CDK13: variants seen among roughly 807,000 people sequenced by gnomAD.
CDK13 encodes the protein cyclin-dependent kinase 13.
A neutral mutation model predicts 137.6 loss-of-function variants in CDK13; 40 were observed. The ratio of observed to expected loss-of-function variants is 0.29; its 90% confidence interval spans 0.23 to 0.38. CDK13 has a LOEUF of 0.38. CDK13 is among the 10% of genes least tolerant of loss of function. The pLI, the probability that CDK13 is intolerant of heterozygous loss-of-function variation, is 1.00. For synonymous variants in CDK13, 869 were observed against 760.1 expected, an observed-to-expected ratio of 1.14 and a Z score of -2.36; for missense variants, 1,704 against 1,951.8, an observed-to-expected ratio of 0.87 and a Z score of 2.39.
chr7:40,036,514 G>T (rs1785486786), intron 5 of CDK13, among the ~76,000 whole-genome samples: 2 of 152,190 alleles, frequency 1.3e-5, no homozygotes, highest in South Asian at 4.1e-4. Context: ...GGAGGCTGCA[G>T]TGAGTTGAGA....
chr7:40,049,282 G>A (rs1785826039), intron 7 of CDK13: 1 of 151,546 alleles, frequency 6.6e-6, no homozygotes, highest in Admixed American at 6.6e-5. Context: ...GTGTTCTGTG[G>A]ATGGGGTTTT....
intron 1 of CDK13, among the ~76,000 whole-genome samples, chr7:39,981,805 T>G (rs2116236521): frequency 6.6e-6 from 1 of 150,808 alleles, no homozygotes; most frequent in East Asian, 1.9e-4. Context: ...TTTTTTTTTT[T>G]TTTTGAGACG....
At chr7:40,040,043 T>C (rs1253680691) in intron 5 of CDK13, among the ~76,000 whole-genome samples, 32 of 150,966 alleles carry the variant, frequency 2.1e-4, no homozygotes. Flanking sequence ...GTTTTGCTCA[T>C]GTTGTTCATC....
At chr7:40,053,789 G>A (rs1011189215) in intron 7 of CDK13, among the ~76,000 whole-genome samples, 3 of 151,400 alleles carry the variant, frequency 2.0e-5, no homozygotes, top group African/African-American at 7.3e-5. Context: ...AAGGGAAAAG[G>A]AAAGAACAAA....
chr7:39,997,578 C>T lies in CDK13; in HGVS notation c.1956C>T (p.Pro652=). 1.2e-6 allele frequency: 2 copies of T among 1,609,416 alleles called. No homozygotes were observed. Among genetic ancestry groups the T allele is most frequent in the Non-Finnish European group, 1.7e-6 (2 of 1,178,074 alleles). The change falls in exon 3 of 14, where the codon CCC becomes CCT. Residue 652 remains proline (P), a synonymous_variant. Coordinates refer to ENST00000181839, the MANE Select transcript of CDK13 (RefSeq NM_003718.5). ...LRCLLADLPL[P]PELPGGDDLS... is the part of the protein sequence containing the mutation. ...GTCTTCTTGCTGATTTACCGCTGCC[C>T]CCTGAGCTACCAGGAGGAGATGATC... is the stretch of plus-strand genomic sequence containing the variant.
At chr7:39,981,485 G>T (rs1421365104) in intron 1 of CDK13, among the ~76,000 whole-genome samples, 1 of 152,050 alleles carries the variant, frequency 6.6e-6, no homozygotes, top group East Asian at 1.9e-4. Context: ...TTTTAAAGAT[G>T]CACTTCTCTC....
intron 7 of CDK13, among the ~76,000 whole-genome samples, chr7:40,056,461 C>T (rs28706701): frequency 0.031 from 4,719 of 152,278 alleles, 106 homozygotes; most frequent in Middle Eastern, 0.068. Context: ...CATTTGCTCA[C>T]CCGCCTCAGG....
chr7:40,084,887 G>T (rs185553750), intron 11 of CDK13, among the ~76,000 whole-genome samples: 236 of 152,298 alleles, frequency 1.5e-3, no homozygotes, highest in African/African-American at 5.6e-3. Flanking sequence ...GACACATCAA[G>T]TAAGTGACTG....
chr7:39,967,315 T>TA (rs1259574263), intron 1 of CDK13, among the ~76,000 whole-genome samples: 2 of 152,026 alleles, frequency 1.3e-5, no homozygotes, highest in Non-Finnish European at 2.9e-5. Flanking sequence ...TAGTTCCAGA[T>TA]ACTTGTGAGG....
chr7:40,088,072 A>G, intron 11 of CDK13, 54 bp from the exon 12 acceptor site: 1 of 1,473,518 alleles, frequency 6.8e-7, no homozygotes, highest in Non-Finnish European at 9.4e-7. Flanking sequence ...TAGTAACTGT[A>G]GCATTTTTTG....
At chr7:40,094,107 T>C (rs779143663) in intron 13 of CDK13, 23 bp from the exon 14 acceptor site, 2 of 1,606,174 alleles carry the variant, frequency 1.2e-6, no homozygotes, top group Admixed American at 3.5e-5. Flanking sequence ...CTTTTGACCT[T>C]GTTTTTGCTC....
In CDK13 at chr7:39,951,593, C is replaced by T. The variant is rs1184896985; in HGVS notation, c.952C>T (p.Pro318Ser). Residue 318 changes from proline to serine, a missense_variant, in exon 1 of 14, where the codon CCA becomes TCA. Transcript: ENST00000181839. ...KAYRRRRSLS[P>S]LGGRDDSPVS... ...CTACAGGCGGCGGCGGTCCCTCAGCCCACTGGGAGGCCGGGACGACAGCCC... is the reference window on the plus strand; with the variant it reads ...CTACAGGCGGCGGCGGTCCCTCAGCTCACTGGGAGGCCGGGACGACAGCCC... The T allele has an allele frequency of 1.3e-6, 2 of 1,495,258 alleles. No individual in the cohort carries two copies. Among genetic ancestry groups the T allele is most frequent in the Non-Finnish European group, 1.8e-6 (2 of 1,124,472 alleles). 92.6% of individuals were successfully genotyped at this position (1,495,258 alleles called of 1,614,324 possible).
In CDK13 at chr7:39,951,690, C is replaced by T. The variant is rs1453504781; in HGVS notation, c.1049C>T (p.Pro350Leu). The T allele has an allele frequency of 5.5e-6, 8 of 1,462,676 alleles. No individual in the cohort carries two copies. Among genetic ancestry groups the T allele is most frequent in the African/African-American group, 1.5e-5 (1 of 68,002 alleles). The allele number at this position is 1,462,676 out of a possible 1,614,324, so 90.6% of individuals were successfully genotyped here. A position where few individuals can be genotyped will look rare whatever the true frequency, so the allele number is the denominator to read the frequency against. Residue 350 changes from proline to leucine, a missense_variant, in exon 1 of 14, where the codon CCC (proline) becomes CTC (leucine). Coordinates refer to ENST00000181839, the MANE Select transcript of CDK13 (RefSeq NM_003718.5). ...AGCCCGGCAGGAGGTGGCAGCAGCC[C>T]CTATTCTCGGCGGCTGCCGCGCTCC... ...SPSPAGGGSSPYSRRLPRSPS... is the reference protein window; with the variant it reads ...SPSPAGGGSSLYSRRLPRSPS...
At chr7:39,985,051 C>T (rs1018496384) in intron 1 of CDK13, 4 of 151,774 alleles carry the variant, frequency 2.6e-5, no homozygotes, top group African/African-American at 9.7e-5. Context: ...ATTGTGCTAG[C>T]AAATAGTAGG....
rs1468342482 is a variant in CDK13, at chr7:39,988,265, G to A, written c.1871+7G>A. 6 of 1,579,466 alleles carry A rather than the reference G, an allele frequency of 3.8e-6. No homozygotes were observed. The highest frequency in any genetic ancestry group is 1.2e-5 in the South Asian group (1 of 84,984). On this transcript the variant is annotated splice_region_variant and intron_variant, in intron 2 of 13. Transcript: ENST00000181839. ...AAGATAAAGAAGCTGATAGGTAAGT[G>A]CAAAAAGTATTTGTCAATAACTGTT... is the stretch of plus-strand genomic sequence containing the variant.
At chr7:40,079,828 GT>G (rs1786627915) in intron 11 of CDK13, among the ~76,000 whole-genome samples, 1 of 152,162 alleles carries the variant, frequency 6.6e-6, no homozygotes, top group Admixed American at 6.6e-5. Flanking sequence ...AATATATAGA[GT>G]TTGGGAGTCA....
intron 12 of CDK13, among the ~76,000 whole-genome samples, chr7:40,091,842 TATCA>T (rs1168860155): frequency 6.6e-6 from 1 of 152,224 alleles, no homozygotes; most frequent in Admixed American, 6.5e-5. Flanking sequence ...GTTCCTCTTC[TATCA>T]ATCTGTCATC....
At chr7:40,013,658 G>T (rs1784942911) in intron 5 of CDK13, among the ~76,000 whole-genome samples, 2 of 152,112 alleles carry the variant, frequency 1.3e-5, no homozygotes, top group African/African-American at 4.8e-5. Flanking sequence ...TTTCTTTCTA[G>T]GGTCATGAAA....
At chr7:39,952,768 C>A (rs183670751) in intron 1 of CDK13, 14 of 152,278 alleles carry the variant, frequency 9.2e-5, no homozygotes, top group African/African-American at 3.1e-4. Context: ...GTCCAGAAAT[C>A]TTTAAAAGGT....
Sources: allele counts gnomAD v4.1 joint callset (sites outside exome capture counted in the v4.1 genomes callset), GRCh38; gene constraint gnomAD v4.1.1; transcripts MANE v1.5; gene names NCBI Gene and HGNC (gene_info 2026-07-23, HGNC 2026-07-21).